PDE8B: variants seen among roughly 807,000 people sequenced by gnomAD.
The protein encoded by PDE8B is high affinity cAMP-specific and IBMX-insensitive 3',5'-cyclic phosphodiesterase 8B.
In PDE8B, 26 loss-of-function variants were observed where a neutral mutation model predicts 101.3. The observed-to-expected ratio is 0.26, with a 90% CI of 0.19 to 0.36. The LOEUF is 0.36. Among genes scored for constraint, PDE8B ranks in the 10% least tolerant of loss-of-function variants. PDE8B has a pLI of 1.00. For missense variants in PDE8B, 810 were observed against 1,163.1 expected (o/e 0.70, Z 4.42); for synonymous variants, 424 against 429.3 (o/e 0.99, Z 0.15).
chr5:77,154,491 C>T, the PDE8B span, among the ~76,000 whole-genome samples: 1 of 152,166 alleles, frequency 6.6e-6, no homozygotes, highest in African/African-American at 2.4e-5. Context: ...TGCAGAGGCC[C>T]GTCAGGAGAA....
chr5:77,388,449 A>G (rs1490089254), intron 10 of PDE8B, among the ~76,000 whole-genome samples: 4 of 152,222 alleles, frequency 2.6e-5, no homozygotes, highest in African/African-American at 9.6e-5. Flanking sequence ...TGGAAGCTTC[A>G]GCCCAAAGGG....
At chr5:77,177,553 T>C in the PDE8B span, among the ~76,000 whole-genome samples, 2 of 152,274 alleles carry the variant, frequency 1.3e-5, no homozygotes, top group East Asian at 3.8e-4. Context: ...TCTTTCCTTA[T>C]TAAGTCAAGA....
chr5:77,419,632 T>C, intron 18 of PDE8B, 135 bp from the exon 19 acceptor site: 1 of 1,001,554 alleles, frequency 1.0e-6, no homozygotes, highest in Non-Finnish European at 1.6e-6. Flanking sequence ...GAGCTCTTCT[T>C]GTGATCTGCA....
chr5:77,225,576 G>A (rs1752157276), intron 1 of PDE8B, among the ~76,000 whole-genome samples: 1 of 151,944 alleles, frequency 6.6e-6, no homozygotes, highest in Non-Finnish European at 1.5e-5. Context: ...ATTGAAAAAT[G>A]GTATTTAGAG....
At chr5:77,144,194 C>G in the PDE8B span, 24,272 of 152,172 alleles carry the variant, frequency 0.16, 3,861 homozygotes, top group African/African-American at 0.41. Context: ...GCACTGGGTC[C>G]AGGTCTTGGC....
the PDE8B span, among the ~76,000 whole-genome samples, chr5:77,138,218 G>A: frequency 1.3e-5 from 2 of 152,006 alleles, no homozygotes; most frequent in Admixed American, 6.6e-5. Flanking sequence ...CCGGGGGGTG[G>A]CTTCTCTTCA....
At chr5:77,372,886 G>T (rs1450969879) in intron 10 of PDE8B, among the ~76,000 whole-genome samples, 2 of 152,214 alleles carry the variant, frequency 1.3e-5, no homozygotes, top group Non-Finnish European at 2.9e-5. Flanking sequence ...AAATTAGCTG[G>T]GTGTAGCGGC....
At position 77,424,833 on chromosome 5, in the gene PDE8B, G is replaced by GT. The variant is rs557961807; in HGVS notation, c.2419-929dup. On this transcript the variant is annotated intron_variant, in intron 20 of 21. Coordinates refer to ENST00000264917, the MANE Select transcript of PDE8B (RefSeq NM_003719.5). ...TCTGTTTTTTTGTTTTTTGTTTTTT[G>GT]TTTTTAATGTGAGACAAGATCTCAC... Among the ~76,000 whole-genome samples the GT allele has an allele frequency of 4.7e-3, 691 of 147,002 alleles. 8 individuals are homozygous for GT. Among genetic ancestry groups the GT allele is most frequent in the African/African-American group, 0.016 (647 of 39,916 alleles).
chr5:77,269,228 A>G (rs373937153), intron 1 of PDE8B, among the ~76,000 whole-genome samples: 6 of 152,128 alleles, frequency 3.9e-5, no homozygotes, highest in African/African-American at 7.2e-5. Flanking sequence ...CTGGTGATCA[A>G]TGATGTTGAG....
At chr5:77,133,792 C>T in the PDE8B span, among the ~76,000 whole-genome samples, 1 of 152,174 alleles carries the variant, frequency 6.6e-6, no homozygotes. Flanking sequence ...CAGAAAAGAA[C>T]CAGCCAGGTT....
At chr5:77,287,887 T>C in intron 1 of PDE8B, among the ~76,000 whole-genome samples, 1 of 152,240 alleles carries the variant, frequency 6.6e-6, no homozygotes, top group East Asian at 1.9e-4. Context: ...TTCAAGTCTG[T>C]GTGTGTAACC....
intron 1 of PDE8B, among the ~76,000 whole-genome samples, chr5:77,285,477 T>A (rs1765815980): frequency 6.6e-6 from 1 of 152,184 alleles, no homozygotes; most frequent in Non-Finnish European, 1.5e-5. Context: ...AATTTACCAG[T>A]CATCTGAATC....
chr5:77,350,946 G>C (rs1780991397), intron 8 of PDE8B, 119 bp from the exon 9 acceptor site: 1 of 766,630 alleles, frequency 1.3e-6, no homozygotes, highest in Non-Finnish European at 2.3e-6. Flanking sequence ...AATACAGCAG[G>C]CATTGGGAAA....
the PDE8B span, among the ~76,000 whole-genome samples, chr5:77,182,536 A>G: frequency 6.6e-6 from 1 of 152,128 alleles, no homozygotes; most frequent in African/African-American, 2.4e-5. Context: ...GGGAAGCCCC[A>G]CACTAACCCC....
In PDE8B at chr5:77,296,837, T is replaced by C. The variant is rs114322482; in HGVS notation, c.340-15157T>C. Among the ~76,000 whole-genome samples the C allele has an allele frequency of 2.9e-3, 447 of 152,288 alleles. 2 individuals are homozygous for C. The highest frequency in any genetic ancestry group is 0.01 in the African/African-American group (424 of 41,566). On this transcript the variant is annotated intron_variant, in intron 1 of 21. Coordinates refer to ENST00000264917, the MANE Select transcript of PDE8B (RefSeq NM_003719.5). ...TCCCCTTTTCTTCTCTTTTTCCTTC[T>C]TCCAGCTCTTATGTGTACTTCTCTG...
At chr5:77,107,038 C>CT in the PDE8B span, among the ~76,000 whole-genome samples, 1 of 152,122 alleles carries the variant, frequency 6.6e-6, no homozygotes, top group Non-Finnish European at 1.5e-5. Context: ...TCTCCTAATG[C>CT]TATCCCACCC....
the PDE8B span, among the ~76,000 whole-genome samples, chr5:77,097,919 CG>C: frequency 6.7e-6 from 1 of 150,304 alleles, no homozygotes; most frequent in Non-Finnish European, 1.5e-5. Flanking sequence ...GATCCCGTAC[CG>C]GAATTCTATC....
At chr5:77,118,381 A>T in the PDE8B span, 2 of 398,536 alleles carry the variant, frequency 5.0e-6, no homozygotes, top group African/African-American at 4.1e-5. Flanking sequence ...AAGTGGAAGG[A>T]GGGGAGCTTC....
At chr5:77,169,342 G>A in the PDE8B span, among the ~76,000 whole-genome samples, 1 of 152,178 alleles carries the variant, frequency 6.6e-6, no homozygotes, top group African/African-American at 2.4e-5. Flanking sequence ...GCCTAGAACG[G>A]TGCTTCTCAC....
Sources: gnomAD v4.1 joint callset for allele counts (sites outside exome capture counted in the v4.1 genomes callset) on GRCh38, gnomAD v4.1.1 for gene constraint, MANE v1.5 for transcripts, NCBI Gene and HGNC (gene_info 2026-07-23, HGNC 2026-07-21) for gene names.